Variants in MAML3 observed in about 807,000 individuals in gnomAD.
MAML3 encodes mastermind like transcriptional coactivator 3, also known as mastermind-like protein 3.
MAML3 carries 27 observed loss-of-function variants against 101.9 expected under a neutral mutation model. That is an observed-to-expected ratio of 0.27 (90% CI 0.20 to 0.37). The LOEUF is 0.37. Ranked by LOEUF, MAML3 falls within the 10% of genes least tolerant of loss-of-function variation. MAML3 has a pLI of 1.00. For missense variants in MAML3, 1,316 were observed against 1,444.9 expected (o/e 0.91, Z 1.45); for synonymous variants, 501 against 555.9 (o/e 0.90, Z 1.39).
intron 2 of MAML3, among the ~76,000 whole-genome samples, chr4:139,874,854 A>T (rs1351363710): frequency 7.3e-6 from 1 of 137,688 alleles, no homozygotes; most frequent in Admixed American, 7.8e-5. Context: ...CCCAGGCTGG[A>T]GTGCAGTGGC....
chr4:139,737,427 C>A (rs117518627), intron 2 of MAML3, among the ~76,000 whole-genome samples: 1 of 151,126 alleles, frequency 6.6e-6, no homozygotes, highest in Admixed American at 6.6e-5. Context: ...CTAAATTGAG[C>A]GGACCACCCA....
At chr4:139,732,576 A>AT (rs5862431) in intron 2 of MAML3, among the ~76,000 whole-genome samples, 20 of 146,032 alleles carry the variant, frequency 1.4e-4, no homozygotes, top group African/African-American at 4.7e-4. Context: ...CTAGAACGCT[A>AT]TTTTTTTTTT....
chr4:139,780,185 T>C (rs372510318), intron 2 of MAML3, among the ~76,000 whole-genome samples: 2 of 152,252 alleles, frequency 1.3e-5, no homozygotes, highest in Admixed American at 6.5e-5. Flanking sequence ...GTGGCTACTA[T>C]ATTGGGCTGT....
intron 2 of MAML3, among the ~76,000 whole-genome samples, chr4:139,829,207 GAAGGAAGGATGGAAGGAGA>G (rs1234253198): frequency 1.3e-5 from 2 of 148,866 alleles, no homozygotes; most frequent in African/African-American, 5.0e-5. Flanking sequence ...AAGGAGGGAG[GAAGGAAGGATGGAAGGAGA>G]AAGGAAGGAA....
At chr4:139,854,331 G>T (rs1051115378) in intron 2 of MAML3, among the ~76,000 whole-genome samples, 1 of 151,696 alleles carries the variant, frequency 6.6e-6, no homozygotes, top group Non-Finnish European at 1.5e-5. Flanking sequence ...CCAGAGAGGT[G>T]TAGTGACTTG....
chr4:139,867,201 C>T (rs1731913641), intron 2 of MAML3, among the ~76,000 whole-genome samples: 1 of 152,034 alleles, frequency 6.6e-6, no homozygotes, highest in Admixed American at 6.5e-5. Flanking sequence ...TATTTTTTAC[C>T]CTCTTGGACC....
At chr4:140,103,957 A>T (rs1728293112) in intron 1 of MAML3, among the ~76,000 whole-genome samples, 1 of 152,106 alleles carries the variant, frequency 6.6e-6, no homozygotes, top group Non-Finnish European at 1.5e-5. Context: ...AAACCACCCC[A>T]TCCTATTGTT....
intron 2 of MAML3, among the ~76,000 whole-genome samples, chr4:139,733,449 T>G (rs1387546670): frequency 1.3e-5 from 2 of 150,378 alleles, no homozygotes; most frequent in Non-Finnish European, 2.9e-5. Flanking sequence ...CAGCCTCCTC[T>G]CCACTGGGAA....
chr4:140,055,951 G>A (rs1278158393), intron 1 of MAML3, among the ~76,000 whole-genome samples: 1 of 152,162 alleles, frequency 6.6e-6, no homozygotes, highest in Non-Finnish European at 1.5e-5. Flanking sequence ...CTGATGATAG[G>A]AGAGAAAACA....
intron 1 of MAML3, among the ~76,000 whole-genome samples, chr4:139,988,326 C>CA (rs764018702): frequency 0.025 from 2,062 of 80,920 alleles, 83 homozygotes; most frequent in African/African-American, 0.08. Flanking sequence ...GACTCCGTCT[C>CA]AAAAAAAAAA....
At chr4:139,833,313 G>A (rs956314204) in intron 2 of MAML3, among the ~76,000 whole-genome samples, 4 of 152,212 alleles carry the variant, frequency 2.6e-5, no homozygotes, top group Non-Finnish European at 5.9e-5. Context: ...TCACACACAC[G>A]CGGTGCTCGG....
chr4:140,104,709 T>C (rs1056660643), intron 1 of MAML3, among the ~76,000 whole-genome samples: 1 of 151,532 alleles, frequency 6.6e-6, no homozygotes, highest in African/African-American at 2.4e-5. Flanking sequence ...CCCAGGCTGG[T>C]CTCAAACTCC....
chr4:139,803,040 C>T (rs150481407), intron 2 of MAML3, among the ~76,000 whole-genome samples: 6 of 152,258 alleles, frequency 3.9e-5, no homozygotes, highest in African/African-American at 1.2e-4. Context: ...CTCCAATATC[C>T]AGATTTGTGG....
At chr4:139,751,731 C>G (rs1729509064) in intron 2 of MAML3, among the ~76,000 whole-genome samples, 1 of 152,130 alleles carries the variant, frequency 6.6e-6, no homozygotes. Context: ...GACCTTGTGC[C>G]TGGAGGGAGG....
chr4:139,800,132 T>C (rs1730578561), intron 2 of MAML3, among the ~76,000 whole-genome samples: 1 of 152,212 alleles, frequency 6.6e-6, no homozygotes, highest in Non-Finnish European at 1.5e-5. Flanking sequence ...AGACTGTTTT[T>C]TTCAGACCTT....
intron 1 of MAML3, among the ~76,000 whole-genome samples, chr4:139,969,132 T>C (rs968038637): frequency 2.0e-5 from 3 of 151,748 alleles, no homozygotes; most frequent in Non-Finnish European, 4.4e-5. Context: ...CTGATCTTGA[T>C]AACCTGCAGA....
intron 1 of MAML3, among the ~76,000 whole-genome samples, chr4:139,987,668 G>A (rs1294956710): frequency 1.3e-5 from 2 of 152,004 alleles, no homozygotes; most frequent in Admixed American, 6.6e-5. Flanking sequence ...CTGTCAGTAC[G>A]TGGAGTCTGG....
intron 1 of MAML3, among the ~76,000 whole-genome samples, chr4:140,138,381 A>T (rs1728930676): frequency 6.6e-6 from 1 of 152,246 alleles, no homozygotes; most frequent in Non-Finnish European, 1.5e-5. Context: ...GCTGCAAACC[A>T]TTTAAGAATT....
In MAML3 at chr4:139,863,832, GTTTTTTTTTT is replaced by G. The variant is rs58270046; in HGVS notation, c.2079+25515_2079+25524del. Among the ~76,000 whole-genome samples, 111 of 111,286 alleles carry G rather than the reference GTTTTTTTTTT, an allele frequency of 1.0e-3. 1 individual carries two copies. Among genetic ancestry groups the G allele is most frequent in the Admixed American group, 1.7e-3 (16 of 9,580 alleles). 73.0% of individuals were successfully genotyped at this position (111,286 alleles called of 152,430 possible). A position where few individuals can be genotyped will look rare whatever the true frequency, so the allele number is the denominator to read the frequency against. On this transcript the variant is annotated intron_variant, in intron 2 of 4. Transcript: ENST00000509479. The stretch of plus-strand genomic sequence containing the variant: ...TTTCTGTGGTAATACCAGAACATGG[GTTTTTTTTTT>G]TTTTTTTTTTTTTTGTACTAAAAAC...
Sources: gnomAD v4.1 joint callset for allele counts (sites outside exome capture counted in the v4.1 genomes callset) on GRCh38, gnomAD v4.1.1 for gene constraint, MANE v1.5 for transcripts, NCBI Gene and HGNC (gene_info 2026-07-23, HGNC 2026-07-21) for gene names.